The following BTBD9 variants were observed in gnomAD, a reference collection of about 807,000 sequenced individuals.
BTBD9 encodes the protein BTB domain containing 9.
A neutral mutation model predicts 64.3 loss-of-function variants in BTBD9; 49 were observed. That is an observed-to-expected ratio of 0.76 (90% CI 0.61 to 0.97). BTBD9 has a LOEUF of 0.97. Ranked by LOEUF, BTBD9 falls within the 50% of genes least tolerant of loss-of-function variation. The pLI is 0.00. For synonymous variants in BTBD9, 260 were observed against 274.7 expected (o/e 0.95, Z 0.53); for missense variants, 598 against 762.1 (o/e 0.78, Z 2.53).
intron 9 of BTBD9, among the ~76,000 whole-genome samples, chr6:38,193,209 C>T (rs926814680): frequency 2.0e-5 from 3 of 152,118 alleles, no homozygotes; most frequent in African/African-American, 4.8e-5. Context: ...CGCATCTGAG[C>T]GGGAGCAGCT....
intron 6 of BTBD9, among the ~76,000 whole-genome samples, chr6:38,504,803 G>C (rs1412046918): frequency 6.6e-6 from 1 of 152,130 alleles, no homozygotes; most frequent in East Asian, 1.9e-4. Context: ...AATAGTGAAA[G>C]GTTGAGTAAA....
intron 9 of BTBD9, among the ~76,000 whole-genome samples, chr6:38,250,040 A>T (rs1054281928): frequency 3.3e-5 from 5 of 152,224 alleles, no homozygotes; most frequent in Non-Finnish European, 7.3e-5. Flanking sequence ...GTAATTTTTT[A>T]AAATCATAAG....
At chr6:38,285,630 G>A (rs1761700535) in intron 8 of BTBD9, among the ~76,000 whole-genome samples, 1 of 152,176 alleles carries the variant, frequency 6.6e-6, no homozygotes. Flanking sequence ...TCATTGGCAA[G>A]GAGACTGGTC....
At position 38,418,500 on chromosome 6, in the gene BTBD9, C is replaced by T. The variant is rs566399298; in HGVS notation, c.1155-73407G>A. ...AGTGAGTGAGTGAGTTTGCTGGTTG[C>T]TATAGGAGAACCTTAGGAAAATCTT... On this transcript the variant is annotated intron_variant, in intron 6 of 10. Transcript: ENST00000481247. Among the ~76,000 whole-genome samples the T allele has an allele frequency of 6.2e-4, 94 of 152,284 alleles. 1 individual carries two copies. The South Asian group carries it at 0.019, about 30-fold the overall frequency.
intron 6 of BTBD9, among the ~76,000 whole-genome samples, chr6:38,408,574 G>A (rs1229341252): frequency 2.0e-5 from 3 of 152,160 alleles, no homozygotes; most frequent in Admixed American, 2.0e-4. Flanking sequence ...TACATCATGA[G>A]ATATAGTTGT....
rs1293722925 is a variant in BTBD9, at chr6:38,594,153, A to G, written c.360T>C (p.Tyr120=). 1.9e-6 allele frequency: 3 copies of G among 1,614,106 alleles called. No individual in the cohort carries two copies. Among genetic ancestry groups the G allele is most frequent in the East Asian group, 2.2e-5 (1 of 44,886 alleles). The part of the protein sequence containing the change: ...LLDFLSLAHK[Y]GFPELEDSTS... ...TAGAATCCTCTAGCTCTGGAAATCC[A>G]TATTTATGAGCCAGGCTCAAAAAGT... Residue 120 remains tyrosine, a synonymous_variant, in exon 3 of 11, where the codon TAT becomes TAC. Transcript: ENST00000481247.
At chr6:38,550,892 C>T (rs909106128) in intron 6 of BTBD9, among the ~76,000 whole-genome samples, 1 of 152,170 alleles carries the variant, frequency 6.6e-6, no homozygotes, top group African/African-American at 2.4e-5. Flanking sequence ...CAACCTGGCC[C>T]CATTTCTTTT....
intron 6 of BTBD9, among the ~76,000 whole-genome samples, chr6:38,503,934 T>G (rs772816008): frequency 2.0e-5 from 3 of 152,184 alleles, no homozygotes; most frequent in Non-Finnish European, 4.4e-5. Flanking sequence ...CTTCCCATCC[T>G]TTCTATTCAT....
intron 6 of BTBD9, among the ~76,000 whole-genome samples, chr6:38,541,692 C>A (rs764277604): frequency 2.0e-5 from 3 of 152,120 alleles, no homozygotes; most frequent in African/African-American, 7.2e-5. Context: ...GAGCCGAGAT[C>A]GCACCACTGC....
At position 38,553,524 on chromosome 6, in the gene BTBD9, G is replaced by A. The variant is rs550554461; in HGVS notation, c.1154+24076C>T. Reference sequence around the variant, plus strand: ...CACTATATTCCCTAATACTAGTTGAGGAGTGACCTCTCTAAAAGATCAAGA... The same window carrying A: ...CACTATATTCCCTAATACTAGTTGAAGAGTGACCTCTCTAAAAGATCAAGA... On this transcript the variant is annotated intron_variant, in intron 6 of 10. Coordinates refer to ENST00000481247, the MANE Select transcript of BTBD9 (RefSeq NM_001099272.2). Among the ~76,000 whole-genome samples the A allele has an allele frequency of 3.3e-5, 5 of 152,224 alleles. No homozygotes were observed. In the South Asian group the frequency reaches 1.0e-3, roughly 32 times the overall value.
intron 6 of BTBD9, among the ~76,000 whole-genome samples, chr6:38,406,247 C>T (rs1037791758): frequency 1.3e-5 from 2 of 152,102 alleles, no homozygotes; most frequent in African/African-American, 4.8e-5. Flanking sequence ...AAAAGAGTAA[C>T]CATAAGGAGC....
At chr6:38,426,049 G>T (rs930678315) in intron 6 of BTBD9, among the ~76,000 whole-genome samples, 6 of 151,776 alleles carry the variant, frequency 4.0e-5, no homozygotes, top group African/African-American at 7.3e-5. Flanking sequence ...CAAAAAGTAG[G>T]ATCAGGATGG....
chr6:38,276,198 A>G (rs1450096428), intron 8 of BTBD9, among the ~76,000 whole-genome samples: 2 of 152,206 alleles, frequency 1.3e-5, no homozygotes, highest in Non-Finnish European at 2.9e-5. Flanking sequence ...TGTCCTTTGT[A>G]GGGACATGGA....
intron 7 of BTBD9, among the ~76,000 whole-genome samples, chr6:38,326,653 A>G (rs987576375): frequency 6.6e-6 from 1 of 151,494 alleles, no homozygotes; most frequent in Non-Finnish European, 1.5e-5. Flanking sequence ...CTGATCATGT[A>G]TATTTTACTT....
Position 38,172,666 on chromosome 6 carries a change from A to G in BTBD9, c.*2319T>C, listed in dbSNP as rs752423904. ...GTCCTCACCAATGACATCTACTGTTAGTGCCACCCCATCGTCCCCATACTT... is the reference window on the plus strand; with the variant it reads ...GTCCTCACCAATGACATCTACTGTTGGTGCCACCCCATCGTCCCCATACTT... On this transcript the variant is annotated 3_prime_UTR_variant, in exon 11 of 11. Transcript: ENST00000481247. 3 of 152,328 alleles carry G rather than the reference A, an allele frequency of 2.0e-5. No individual in the cohort carries two copies. The highest frequency in any genetic ancestry group is 4.4e-5 in the Non-Finnish European group (3 of 68,124). The allele number at this position is 152,328 out of a possible 1,614,324, so 9.4% of individuals were successfully genotyped here.
At chr6:38,439,290 A>AT (rs887943419) in intron 6 of BTBD9, among the ~76,000 whole-genome samples, 34 of 149,174 alleles carry the variant, frequency 2.3e-4, no homozygotes, top group Middle Eastern at 3.5e-3. Context: ...TGCCCAGCTA[A>AT]TTTTTTTTTG....
chr6:38,191,126 G>C (rs1762057164), intron 10 of BTBD9, among the ~76,000 whole-genome samples: 1 of 152,128 alleles, frequency 6.6e-6, no homozygotes, highest in East Asian at 1.9e-4. Flanking sequence ...TACTTTTATA[G>C]TTTTCAGATT....
intron 6 of BTBD9, among the ~76,000 whole-genome samples, chr6:38,352,298 G>T (rs1011285135): frequency 6.6e-6 from 1 of 151,716 alleles, no homozygotes; most frequent in African/African-American, 2.4e-5. Context: ...GATCAATTAA[G>T]CCCAGGAAGT....
intron 6 of BTBD9, among the ~76,000 whole-genome samples, chr6:38,526,282 TAA>T (rs1377709181): frequency 2.0e-5 from 3 of 152,342 alleles, no homozygotes; most frequent in African/African-American, 7.2e-5. Context: ...TGGCGGCTTC[TAA>T]GTGGTATTAA....
Sources: allele counts gnomAD v4.1 joint callset (sites outside exome capture counted in the v4.1 genomes callset), GRCh38; gene constraint gnomAD v4.1.1; transcripts MANE v1.5; gene names NCBI Gene and HGNC (gene_info 2026-07-23, HGNC 2026-07-21).